The following KIF26B variants were observed in gnomAD, a reference collection of about 807,000 sequenced individuals.
The protein encoded by KIF26B is kinesin family member 26B.
In KIF26B, 63 loss-of-function variants were observed where a neutral mutation model predicts 151.2. The ratio of observed to expected loss-of-function variants is 0.42; its 90% CI spans 0.34 to 0.51. KIF26B has a LOEUF of 0.51. KIF26B is among the 20% of genes least tolerant of loss of function. KIF26B has a pLI of 0.07. For missense variants in KIF26B, 2,813 were observed against 2,913.6 expected (o/e 0.97, Z 0.79); for synonymous variants, 1,357 against 1,262.1 (o/e 1.08, Z -1.59).
Position 245,302,988 on chromosome 1 carries a change from CAAAAA to C in KIF26B, c.466-63825_466-63821del, listed in dbSNP as rs74163037. The stretch of plus-strand genomic sequence containing the variant: ...TGGGCAATAGAGCAAGACTCTGTCT[CAAAAA>C]AAAAAAAAAAAAAAAAAAAAGAAAG... On this transcript the variant is annotated intron_variant, in intron 2 of 14. Coordinates refer to ENST00000407071, the MANE Select transcript of KIF26B (RefSeq NM_018012.4). 7.0e-4 allele frequency among the ~76,000 whole-genome samples: 25 copies of C among 35,824 alleles called. No individual in the cohort carries two copies. In the South Asian group the frequency reaches 0.021, roughly 30 times the overall value. The allele number at this position is 35,824 out of a possible 152,430, so 23.5% of individuals were successfully genotyped here.
chr1:245,324,486 C>G (rs1249725419), intron 2 of KIF26B, among the ~76,000 whole-genome samples: 1 of 152,204 alleles, frequency 6.6e-6, no homozygotes, highest in East Asian at 1.9e-4. Flanking sequence ...GCTCGGGAAT[C>G]TCTGCAGAGA....
intron 4 of KIF26B, among the ~76,000 whole-genome samples, chr1:245,483,596 G>A (rs1252397350): frequency 6.6e-6 from 1 of 151,964 alleles, no homozygotes; most frequent in African/African-American, 2.4e-5. Context: ...GACACATTGA[G>A]CAAGTCCGCC....
chr1:245,405,745 T>C (rs921874702), intron 3 of KIF26B, among the ~76,000 whole-genome samples: 2 of 152,132 alleles, frequency 1.3e-5, no homozygotes, highest in Non-Finnish European at 2.9e-5. Context: ...TGTTTCCACA[T>C]GGAACTTGGC....
At chr1:245,296,821 C>T (rs1423012797) in intron 2 of KIF26B, among the ~76,000 whole-genome samples, 2 of 152,202 alleles carry the variant, frequency 1.3e-5, no homozygotes, top group African/African-American at 4.8e-5. Context: ...TTTCTGGCCT[C>T]ATCTCAGGAC....
chr1:245,316,031 T>C (rs1469311799), intron 2 of KIF26B, among the ~76,000 whole-genome samples: 1 of 152,142 alleles, frequency 6.6e-6, no homozygotes, highest in Non-Finnish European at 1.5e-5. Context: ...CAGTAAAGTG[T>C]GGGCCTAACT....
At chr1:245,491,342 C>T (rs938128364) in intron 4 of KIF26B, among the ~76,000 whole-genome samples, 1 of 152,184 alleles carries the variant, frequency 6.6e-6, no homozygotes, top group African/African-American at 2.4e-5. Context: ...ATGTAGCCCA[C>T]CCTACTGACT....
At chr1:245,591,585 G>A (rs2043289753) in intron 5 of KIF26B, among the ~76,000 whole-genome samples, 1 of 152,136 alleles carries the variant, frequency 6.6e-6, no homozygotes, top group East Asian at 1.9e-4. Context: ...CCTGTAAGTC[G>A]CAGATGGGAC....
At chr1:245,474,442 C>T (rs1659986472) in intron 4 of KIF26B, among the ~76,000 whole-genome samples, 1 of 139,166 alleles carries the variant, frequency 7.2e-6, no homozygotes, top group African/African-American at 2.6e-5. Context: ...TTTGGAGTCT[C>T]ACTCTGTCGC....
intron 4 of KIF26B, among the ~76,000 whole-genome samples, chr1:245,507,269 A>G (rs1476195459): frequency 6.6e-6 from 1 of 152,210 alleles, no homozygotes; most frequent in Non-Finnish European, 1.5e-5. Context: ...CTGGAAGCCA[A>G]CACTCAGGTG....
At chr1:245,289,437 C>A (rs905410491) in intron 2 of KIF26B, among the ~76,000 whole-genome samples, 1 of 152,158 alleles carries the variant, frequency 6.6e-6, no homozygotes, top group African/African-American at 2.4e-5. Context: ...ATTAGCTACC[C>A]TTTGCCTGAT....
chr1:245,464,605 CGTGTGGGT>C (rs377407712), intron 4 of KIF26B, among the ~76,000 whole-genome samples: 1,006 of 92,390 alleles, frequency 0.011, 10 homozygotes, highest in African/African-American at 0.036. Context: ...GTGTGCTGTG[CGTGTGGGT>C]GTGTGGGTGT....
At chr1:245,202,497 G>C (rs559395068) in intron 2 of KIF26B, among the ~76,000 whole-genome samples, 1 of 152,236 alleles carries the variant, frequency 6.6e-6, no homozygotes, top group South Asian at 2.1e-4. Flanking sequence ...AGTGGCTCAC[G>C]CCTATAATCC....
chr1:245,399,646 G>A (rs1285429437), intron 3 of KIF26B, among the ~76,000 whole-genome samples: 2 of 152,140 alleles, frequency 1.3e-5, no homozygotes, highest in African/African-American at 2.4e-5. Flanking sequence ...GCACTTTCAT[G>A]CATCTTATGA....
At position 245,266,515 on chromosome 1, in the gene KIF26B, C is replaced by CT. The variant is rs539399417; in HGVS notation, c.466-100308dup. Among the ~76,000 whole-genome samples the CT allele has an allele frequency of 4.0e-3, 582 of 146,588 alleles. 2 individuals are homozygous for CT. Among genetic ancestry groups the CT allele is most frequent in the African/African-American group, 0.011 (458 of 40,234 alleles). ...TTTTCTTTTCTTTCTTTCTTTCTTT[C>CT]TTTTTTTTTTTGAGATGGAGTCTCA... On this transcript the variant is annotated intron_variant, in intron 2 of 14. Transcript: ENST00000407071.
rs538019152 is a variant in KIF26B, at chr1:245,420,016, C to CA, written c.1166+276dup. Reference sequence around the variant, plus strand: ...AGTACCCTCCTCCAGTCGTGACTACCAAAAATGTCTGCAGACATTGTGAGA... The same window carrying CA: ...AGTACCCTCCTCCAGTCGTGACTACCAAAAAATGTCTGCAGACATTGTGAGA... On this transcript the variant is annotated intron_variant, in intron 4 of 14. Transcript: ENST00000407071. Among the ~76,000 whole-genome samples the CA allele has an allele frequency of 5.2e-4, 79 of 152,234 alleles. 1 individual carries two copies. Among genetic ancestry groups the CA allele is most frequent in the African/African-American group, 1.8e-3 (76 of 41,536 alleles).
chr1:245,645,799 C>T (rs1051294181), intron 9 of KIF26B, among the ~76,000 whole-genome samples: 10 of 152,144 alleles, frequency 6.6e-5, no homozygotes, highest in African/African-American at 2.2e-4. Context: ...TAGGTAGAAA[C>T]GTATCCTCCT....
intron 2 of KIF26B, among the ~76,000 whole-genome samples, chr1:245,305,658 G>T (rs1401825939): frequency 6.6e-6 from 1 of 152,148 alleles, no homozygotes; most frequent in Non-Finnish European, 1.5e-5. Flanking sequence ...GTGAAATGAG[G>T]CCGGTCGCAG....
chr1:245,605,713 G>T (rs758118040), intron 6 of KIF26B, among the ~76,000 whole-genome samples: 2 of 152,094 alleles, frequency 1.3e-5, no homozygotes, highest in Non-Finnish European at 2.9e-5. Context: ...AGGGGAAGCA[G>T]CAAGGGGCCT....
At chr1:245,311,420 C>T (rs528357882) in intron 2 of KIF26B, among the ~76,000 whole-genome samples, 1 of 152,040 alleles carries the variant, frequency 6.6e-6, no homozygotes, top group South Asian at 2.1e-4. Flanking sequence ...AAGTTAGACT[C>T]GCCTGCTCTT....
Sources: allele counts gnomAD v4.1 joint callset (sites outside exome capture counted in the v4.1 genomes callset), GRCh38; gene constraint gnomAD v4.1.1; transcripts MANE v1.5; gene names NCBI Gene and HGNC (gene_info 2026-07-23, HGNC 2026-07-21).